Variants in ADAMTSL1 observed in about 807,000 individuals in gnomAD.
The protein encoded by ADAMTSL1 is ADAMTS-like protein 1.
In ADAMTSL1, 126 loss-of-function variants were observed where a neutral mutation model predicts 201.8. That is an observed-to-expected ratio of 0.62 (90% confidence interval 0.54 to 0.72). ADAMTSL1 has a LOEUF of 0.72. Ranked by LOEUF, ADAMTSL1 falls within the 30% of genes least tolerant of loss-of-function variation. The probability of loss-of-function intolerance (pLI) is 0.00; values close to 1 mark genes in which losing one functional copy is unlikely to be tolerated. For missense variants in ADAMTSL1, 2,679 were observed against 2,277.8 expected (o/e 1.18, Z -3.59); for synonymous variants, 1,121 against 903.4 (o/e 1.24, Z -4.32).
chr9:18,567,773 G>A (rs1289395305), intron 3 of ADAMTSL1, among the ~76,000 whole-genome samples: 2 of 152,080 alleles, frequency 1.3e-5, no homozygotes, highest in African/African-American at 2.4e-5. Flanking sequence ...ATGTACTTAT[G>A]TAAGAAAATA....
chr9:18,665,718 C>G (rs1829390061), intron 9 of ADAMTSL1, among the ~76,000 whole-genome samples: 1 of 152,104 alleles, frequency 6.6e-6, no homozygotes, highest in Non-Finnish European at 1.5e-5. Context: ...CTTACACTCA[C>G]TGACAACATC....
rs567334796 is a variant in ADAMTSL1 at position 18,550,419 on chromosome 9, A to C, written c.237+17127A>C. Among the ~76,000 whole-genome samples the C allele has an allele frequency of 6.6e-5, 10 of 152,058 alleles. No individual in the cohort carries two copies. The South Asian group carries it at 2.1e-3, about 32-fold the overall frequency. On this transcript the variant is annotated intron_variant, in intron 3 of 28. Coordinates refer to ENST00000380548, the MANE Select transcript of ADAMTSL1 (RefSeq NM_001040272.6). ...CCAGAGATTCTAAGCACAAGAAGGC[A>C]TTCATGTACTGTTGTTATTGGCTCT...
intron 20 of ADAMTSL1, 66 bp downstream of exon 20, chr9:18,795,590 C>G: frequency 6.7e-7 from 1 of 1,498,016 alleles, no homozygotes; most frequent in African/African-American, 1.4e-5. Context: ...TATAGTGTGT[C>G]AAACAGGCCC....
At chr9:18,538,340 C>T (rs981389807) in intron 3 of ADAMTSL1, among the ~76,000 whole-genome samples, 2 of 151,972 alleles carry the variant, frequency 1.3e-5, no homozygotes, top group Admixed American at 6.5e-5. Context: ...GCAAAGGCCG[C>T]GGCATTATAG....
At chr9:18,208,417 G>A (rs1206050651) in intron 2 of ADAMTSL1, among the ~76,000 whole-genome samples, 1 of 152,130 alleles carries the variant, frequency 6.6e-6, no homozygotes, top group Non-Finnish European at 1.5e-5. Flanking sequence ...AAGTTTGTGA[G>A]TTGCACCTGC....
chr9:18,705,270 TC>T (rs1271279836), intron 13 of ADAMTSL1, among the ~76,000 whole-genome samples: 1 of 152,142 alleles, frequency 6.6e-6, no homozygotes, highest in Non-Finnish European at 1.5e-5. Flanking sequence ...GCAGCACGAC[TC>T]CCTGTGAGAA....
In ADAMTSL1 at chr9:18,266,656, A is replaced by G. The variant is rs893743742; in HGVS notation, c.207+102675A>G. 5.9e-5 allele frequency among the ~76,000 whole-genome samples: 9 copies of G among 152,116 alleles called. No homozygotes were observed. In the South Asian group the frequency reaches 6.2e-4, roughly 10 times the overall value. ...GTGTTTCTAAAGAGTCACCCTCCGG[A>G]AGGATGGCGTGGTTCCATGGTCCTC... On this transcript the variant is annotated intron_variant, in intron 2 of 29. Coordinates refer to the ADAMTSL1 transcript ENST00000680146.
intron 4 of ADAMTSL1, among the ~76,000 whole-genome samples, chr9:18,620,422 G>C (rs567585948): frequency 6.6e-6 from 1 of 152,164 alleles, no homozygotes; most frequent in African/African-American, 2.4e-5. Context: ...CCCATAGCAG[G>C]TCCTCAATAA....
At chr9:18,572,323 T>C (rs1178635661) in intron 3 of ADAMTSL1, among the ~76,000 whole-genome samples, 1 of 152,206 alleles carries the variant, frequency 6.6e-6, no homozygotes, top group Non-Finnish European at 1.5e-5. Context: ...AATAAACGTG[T>C]AAACAGCCTG....
chr9:18,810,002 A>T (rs1183231071), intron 20 of ADAMTSL1, among the ~76,000 whole-genome samples: 1 of 152,148 alleles, frequency 6.6e-6, no homozygotes, highest in Non-Finnish European at 1.5e-5. Context: ...GTAGCATTAG[A>T]TCATAGCAAC....
In ADAMTSL1 at chr9:18,892,480, G is replaced by A. The variant is rs200711619; in HGVS notation, c.4735G>A (p.Gly1579Arg). 3.1e-6 allele frequency: 5 copies of A among 1,611,966 alleles called. No individual in the cohort carries two copies. The highest frequency in any genetic ancestry group is 2.7e-5 in the African/African-American group (2 of 75,034). Reference protein sequence around the residue: ...RVTCQKLKASGISTPVSNDMC... With the variant: ...RVTCQKLKASRISTPVSNDMC... ...GACCTGTCAAAAGCTGAAAGCCTCT[G>A]GGATCTCCACCCCTGTGTCCAATGA... is the stretch of plus-strand genomic sequence containing the variant. Residue 1579 changes from glycine (G) to arginine (R), a missense_variant, in exon 26 of 29, where the codon GGG becomes AGG. Transcript: ENST00000380548.
At chr9:18,617,716 A>G (rs1328383733) in intron 4 of ADAMTSL1, among the ~76,000 whole-genome samples, 1 of 152,184 alleles carries the variant, frequency 6.6e-6, no homozygotes, top group East Asian at 1.9e-4. Flanking sequence ...CACTAGTGGT[A>G]TCTAAACAAT....
At chr9:18,434,598 C>T (rs1199161661) in intron 2 of ADAMTSL1, among the ~76,000 whole-genome samples, 3 of 152,102 alleles carry the variant, frequency 2.0e-5, no homozygotes, top group African/African-American at 4.8e-5. Flanking sequence ...CTGGACAGTT[C>T]CTGTAGATTA....
At chr9:18,053,309 T>C (rs1224230921) in intron 1 of ADAMTSL1, among the ~76,000 whole-genome samples, 1 of 152,072 alleles carries the variant, frequency 6.6e-6, no homozygotes, top group Non-Finnish European at 1.5e-5. Flanking sequence ...AGAGGAGACA[T>C]ACCTGTCATT....
In ADAMTSL1 at chr9:18,829,104, C is replaced by T. The variant is rs146383055; in HGVS notation, c.4115-739C>T. Among the ~76,000 whole-genome samples the T allele has an allele frequency of 3.1e-4, 47 of 152,268 alleles. 1 individual carries two copies. In the East Asian group the frequency reaches 8.9e-3, roughly 29 times the overall value. Reference sequence around the variant, plus strand: ...TCTGGGATCATCCCACCACTAAGTTCAGCAGGTTCTTGGCTCTTTATTTGT... The same window carrying T: ...TCTGGGATCATCCCACCACTAAGTTTAGCAGGTTCTTGGCTCTTTATTTGT... On this transcript the variant is annotated intron_variant, in intron 22 of 28. Transcript: ENST00000380548.
At chr9:18,259,641 C>T (rs1369718697) in intron 2 of ADAMTSL1, among the ~76,000 whole-genome samples, 4 of 152,188 alleles carry the variant, frequency 2.6e-5, no homozygotes, top group Non-Finnish European at 4.4e-5. Flanking sequence ...ATCACACCTC[C>T]TTTGACTTGT....
At chr9:18,069,178 T>C (rs1822841385) in intron 1 of ADAMTSL1, among the ~76,000 whole-genome samples, 1 of 152,208 alleles carries the variant, frequency 6.6e-6, no homozygotes, top group Non-Finnish European at 1.5e-5. Flanking sequence ...AAGTGTAACA[T>C]ACACACCATA....
chr9:18,901,115 G>A (rs1829992943), intron 26 of ADAMTSL1, among the ~76,000 whole-genome samples: 1 of 149,730 alleles, frequency 6.7e-6, no homozygotes, highest in African/African-American at 2.5e-5. Flanking sequence ...CTGCCTGTAA[G>A]ACCATGAGCC....
intron 2 of ADAMTSL1, among the ~76,000 whole-genome samples, chr9:18,239,409 A>C (rs753216771): frequency 5.9e-5 from 9 of 152,274 alleles, no homozygotes; most frequent in Non-Finnish European, 1.0e-4. Context: ...AAGAGACTTC[A>C]CAGCATCTTC....
Sources: gnomAD v4.1 joint callset for allele counts (sites outside exome capture counted in the v4.1 genomes callset) on GRCh38, gnomAD v4.1.1 for gene constraint, MANE v1.5 for transcripts, NCBI Gene and HGNC (gene_info 2026-07-23, HGNC 2026-07-21) for gene names.